The following UBE2E2 variants were observed in gnomAD, a reference collection of about 807,000 sequenced individuals.
UBE2E2 encodes the protein ubiquitin-conjugating enzyme E2 E2.
A neutral mutation model predicts 24.7 loss-of-function variants in UBE2E2; 6 were observed. The ratio of observed to expected loss-of-function variants is 0.24; its 90% CI spans 0.13 to 0.48. The LOEUF (loss-of-function observed/expected upper bound fraction) is 0.48, where lower values mean the gene tolerates loss of function less well. Ranked by LOEUF, UBE2E2 falls within the 20% of genes least tolerant of loss-of-function variation. The pLI is 0.99. For synonymous variants in UBE2E2, 104 were observed against 83.6 expected, an observed-to-expected ratio of 1.24 and a Z score of -1.33; for missense variants, 169 against 245.0, an observed-to-expected ratio of 0.69 and a Z score of 2.07.
intron 3 of UBE2E2, among the ~76,000 whole-genome samples, chr3:23,416,650 A>G (rs978426277): frequency 2.6e-4 from 39 of 152,178 alleles, no homozygotes; most frequent in African/African-American, 8.4e-4. Flanking sequence ...GTGTTTTCCA[A>G]CTTGGTTCCA....
In UBE2E2 at chr3:23,499,642, A is replaced by C. The variant is rs1210697749; in HGVS notation, c.262A>C (p.Arg88=). 1.2e-6 allele frequency: 2 copies of C among 1,613,810 alleles called. No homozygotes were observed. The highest frequency in any genetic ancestry group is 2.2e-5 in the South Asian group (2 of 91,026). Residue 88 remains arginine (R), a synonymous_variant, in exon 4 of 6, where the codon AGG becomes CGG. Coordinates refer to ENST00000396703, the MANE Select transcript of UBE2E2 (RefSeq NM_152653.4). ...GPKGDNIYEW[R]STILGPPGSV... ...CAAAGGAGACAACATTTATGAATGGAGGTCAACTATATTGGGACCCCCAGG... is the reference window on the plus strand; with the variant it reads ...CAAAGGAGACAACATTTATGAATGGCGGTCAACTATATTGGGACCCCCAGG...
At chr3:23,276,062 A>T (rs1698369426) in intron 3 of UBE2E2, among the ~76,000 whole-genome samples, 1 of 152,044 alleles carries the variant, frequency 6.6e-6, no homozygotes, top group Non-Finnish European at 1.5e-5. Context: ...AAGCCTATTT[A>T]AAAAAAATTT....
At chr3:23,415,144 A>G (rs1474383861) in intron 3 of UBE2E2, among the ~76,000 whole-genome samples, 1 of 152,188 alleles carries the variant, frequency 6.6e-6, no homozygotes, top group Non-Finnish European at 1.5e-5. Flanking sequence ...CCACTGATAA[A>G]ATTTATTTCT....
chr3:23,280,021 T>C lies in UBE2E2; in HGVS notation c.227+62709T>C, dbSNP rs1033238001. 2.4e-4 allele frequency among the ~76,000 whole-genome samples: 37 copies of C among 152,220 alleles called. No individual in the cohort carries two copies. The highest frequency in any genetic ancestry group is 8.7e-4 in the African/African-American group (36 of 41,460). ...AGATCAATTAATAGTAGACATTGTC[T>C]CTCATTCACCTATTAGGCCATACAT... is the stretch of plus-strand genomic sequence containing the variant. On this transcript the variant is annotated intron_variant, in intron 3 of 5. Transcript: ENST00000396703. This position sits in a 1 kb window ranked among gnomAD's most constrained non-coding sequence, Gnocchi z 4.3.
At chr3:23,510,786 T>G (rs1276119283) in intron 4 of UBE2E2, among the ~76,000 whole-genome samples, 1 of 152,152 alleles carries the variant, frequency 6.6e-6, no homozygotes, top group Admixed American at 6.5e-5. Context: ...AAATACCTGT[T>G]TTAAGGCTCA....
At chr3:23,490,399 G>A (rs561123307) in intron 3 of UBE2E2, among the ~76,000 whole-genome samples, 9 of 152,318 alleles carry the variant, frequency 5.9e-5, no homozygotes, top group Admixed American at 2.0e-4. Flanking sequence ...TTATAAAAAT[G>A]TAGCTTAAAA....
At chr3:23,340,731 A>T (rs1051242895) in intron 3 of UBE2E2, among the ~76,000 whole-genome samples, 1 of 152,184 alleles carries the variant, frequency 6.6e-6, no homozygotes, top group Non-Finnish European at 1.5e-5. Flanking sequence ...CAAAACAGGG[A>T]AGACTGAATG....
Position 23,587,946 on chromosome 3 carries a change from A to G in UBE2E2, c.509-1788A>G, listed in dbSNP as rs374991585. Among the ~76,000 whole-genome samples, 23 of 152,308 alleles carry G rather than the reference A, an allele frequency of 1.5e-4. 1 individual carries two copies. The South Asian group carries it at 3.1e-3, about 21-fold the overall frequency. ...TGTAGGAAACTGGCTTCTCCCTGGA[A>G]TAATTATTACGAGATTTACACAATT... On this transcript the variant is annotated intron_variant, in intron 5 of 5. Coordinates refer to ENST00000396703, the MANE Select transcript of UBE2E2 (RefSeq NM_152653.4).
At chr3:23,243,752 T>A (rs1206542773) in intron 3 of UBE2E2, among the ~76,000 whole-genome samples, 1 of 151,884 alleles carries the variant, frequency 6.6e-6, no homozygotes, top group Non-Finnish European at 1.5e-5. Context: ...GTATTTCTTT[T>A]TTTTTTTTTG....
chr3:23,571,280 C>CTCTTTTT (rs1696217145), intron 5 of UBE2E2, among the ~76,000 whole-genome samples: 1 of 29,866 alleles, frequency 3.3e-5, no homozygotes, highest in African/African-American at 1.0e-4. Context: ...GTGCTCCTTT[C>CTCTTTTT]TTTTTTTTTT....
intron 3 of UBE2E2, among the ~76,000 whole-genome samples, chr3:23,493,806 A>C (rs1385566400): frequency 6.6e-6 from 1 of 152,036 alleles, no homozygotes; most frequent in Non-Finnish European, 1.5e-5. Context: ...CTTGTTTTTC[A>C]GTCCTGAAAC....
At chr3:23,240,024 CT>C (rs1697216513) in intron 3 of UBE2E2, among the ~76,000 whole-genome samples, 2 of 152,060 alleles carry the variant, frequency 1.3e-5, no homozygotes, top group South Asian at 4.1e-4. Flanking sequence ...TGGGGTATAA[CT>C]TTTTTATGGA....
chr3:23,379,410 A>G (rs1696607700), intron 3 of UBE2E2, among the ~76,000 whole-genome samples: 1 of 124,382 alleles, frequency 8.0e-6, no homozygotes, highest in African/African-American at 3.0e-5. Flanking sequence ...CGACCCCACA[A>G]CAGTCCCCAG....
intron 5 of UBE2E2, among the ~76,000 whole-genome samples, chr3:23,565,214 A>G (rs1334857470): frequency 1.3e-5 from 2 of 152,120 alleles, no homozygotes; most frequent in Non-Finnish European, 2.9e-5. Flanking sequence ...TGACAGTCAC[A>G]TTATGATGTG....
At chr3:23,354,331 G>T (rs934524952) in intron 3 of UBE2E2, among the ~76,000 whole-genome samples, 5 of 152,212 alleles carry the variant, frequency 3.3e-5, no homozygotes, top group Middle Eastern at 3.4e-3. Flanking sequence ...GCATGGGCAA[G>T]GACTTCATGT....
intron 3 of UBE2E2, among the ~76,000 whole-genome samples, chr3:23,424,741 ATAAT>A (rs1042123812): frequency 6.6e-6 from 1 of 152,206 alleles, no homozygotes; most frequent in Admixed American, 6.5e-5. Flanking sequence ...AGATGTTAAA[ATAAT>A]AGAAACATTT....
At chr3:23,371,094 A>G (rs961453368) in intron 3 of UBE2E2, among the ~76,000 whole-genome samples, 3 of 152,196 alleles carry the variant, frequency 2.0e-5, no homozygotes, top group Non-Finnish European at 2.9e-5. Flanking sequence ...CAGTGACACA[A>G]TCATGGCTCA....
At chr3:23,554,505 C>A (rs569656870) in intron 5 of UBE2E2, among the ~76,000 whole-genome samples, 1 of 152,168 alleles carries the variant, frequency 6.6e-6, no homozygotes, top group East Asian at 1.9e-4. Context: ...GAGCAAGACC[C>A]TCTCTCTTTA....
At chr3:23,537,054 T>G (rs546427221) in intron 5 of UBE2E2, among the ~76,000 whole-genome samples, 1 of 152,348 alleles carries the variant, frequency 6.6e-6, no homozygotes, top group Non-Finnish European at 1.5e-5. Flanking sequence ...AGTTGCAGTT[T>G]CCAAGAACCT....
Sources: allele counts gnomAD v4.1 joint callset (sites outside exome capture counted in the v4.1 genomes callset), GRCh38; gene constraint gnomAD v4.1.1; non-coding constraint Gnocchi (gnomAD v3.1); transcripts MANE v1.5; gene names NCBI Gene and HGNC (gene_info 2026-07-23, HGNC 2026-07-21).